The following ABL2 variants were observed in gnomAD, a reference collection of about 807,000 sequenced individuals.
ABL2 encodes ABL proto-oncogene 2, non-receptor tyrosine kinase, also known as tyrosine-protein kinase ABL2.
A neutral mutation model predicts 107.7 loss-of-function variants in ABL2; 49 were observed. That is an observed-to-expected ratio of 0.45 (90% CI 0.36 to 0.58). The LOEUF (loss-of-function observed/expected upper bound fraction) is 0.58. Ranked by LOEUF, ABL2 falls within the 20% of genes least tolerant of loss-of-function variation. The probability of loss-of-function intolerance (pLI) is 0.00; values close to 1 mark genes in which losing one functional copy is unlikely to be tolerated. For missense variants in ABL2, 1,245 were observed against 1,457.0 expected, an observed-to-expected ratio of 0.85 and a Z score of 2.37; for synonymous variants, 549 against 548.6, an observed-to-expected ratio of 1.00 and a Z score of -0.01.
chr1:179,174,885 G>A (rs2102782992), intron 1 of ABL2, among the ~76,000 whole-genome samples: 2 of 115,846 alleles, frequency 1.7e-5, no homozygotes, highest in South Asian at 2.8e-4. Context: ...ACAGAGCAGA[G>A]ACTCTGTCTC....
chr1:179,105,910 A>G lies in ABL2; in HGVS notation c.*1808T>C, dbSNP rs1653440792. ...CAATTCAGCATAACAACACTGCACT[A>G]AAAGAGCTTTCCAGAGAGGCTCTCC... is the stretch of plus-strand genomic sequence containing the variant. On this transcript the variant is annotated 3_prime_UTR_variant, in exon 12 of 12. Transcript: ENST00000502732. 1 of 223,332 alleles carries G rather than the reference A, an allele frequency of 4.5e-6. No homozygotes were observed. The highest frequency in any genetic ancestry group is 8.9e-6 in the Non-Finnish European group (1 of 111,930). The allele number at this position is 223,332 out of a possible 1,614,324, so 13.8% of individuals were successfully genotyped here.
At chr1:179,157,539 C>T (rs1211282421) in intron 1 of ABL2, among the ~76,000 whole-genome samples, 1 of 151,746 alleles carries the variant, frequency 6.6e-6, no homozygotes, top group Non-Finnish European at 1.5e-5. Flanking sequence ...TGCAAATATT[C>T]CAAAATCTGA....
rs3766620 is a variant in ABL2 at position 179,131,734 on chromosome 1, T to C, written c.221-253A>G. Among the ~76,000 whole-genome samples, 1,298 of 152,298 alleles carry C rather than the reference T, an allele frequency of 8.5e-3. 44 individuals are homozygous for C. Among genetic ancestry groups the C allele is most frequent in the Admixed American group, 0.057 (868 of 15,286 alleles). On this transcript the variant is annotated intron_variant, in intron 2 of 11. Transcript: ENST00000502732. ...AATGAGAGTTTAGCCGTGATTTATA[T>C]GCACTCACCAAAATCAGACATAAAC...
chr1:179,194,796 A>G (rs969205146), intron 1 of ABL2, among the ~76,000 whole-genome samples: 2 of 150,828 alleles, frequency 1.3e-5, no homozygotes, highest in Admixed American at 1.3e-4. Flanking sequence ...ATATGCTTAA[A>G]GAAAAAAAGA....
rs1412343835 is a variant in ABL2, at chr1:179,101,985, CATTAGA to C, written c.*5727_*5732del. On this transcript the variant is annotated 3_prime_UTR_variant, in exon 12 of 12. Coordinates refer to ENST00000502732, the MANE Select transcript of ABL2 (RefSeq NM_007314.4). ...AAAAAGAAAAAAAAAGCAAGCTTTG[CATTAGA>C]ATTTCTTTTTTTTTTTTTTTTTTTT... The C allele has an allele frequency of 1.6e-5, 2 of 128,166 alleles. No individual in the cohort carries two copies. Among genetic ancestry groups the C allele is most frequent in the Non-Finnish European group, 3.3e-5 (2 of 61,038 alleles). The allele number at this position is 128,166 out of a possible 1,614,324, so 7.9% of individuals were successfully genotyped here. A position where few individuals can be genotyped will look rare whatever the true frequency, so the allele number is the denominator to read the frequency against.
At chr1:179,184,434 A>C in intron 1 of ABL2, 1 of 1,004,424 alleles carries the variant, frequency 1.0e-6, no homozygotes, top group South Asian at 1.4e-5. Context: ...GGCACCAGAG[A>C]GCTTCTTTAT....
At chr1:179,162,005 G>T (rs1469795143) in intron 1 of ABL2, among the ~76,000 whole-genome samples, 1 of 152,076 alleles carries the variant, frequency 6.6e-6, no homozygotes, top group Non-Finnish European at 1.5e-5. Flanking sequence ...ACAGATGCCG[G>T]CCCGTTGATC....
rs766561955 is a variant in ABL2, at chr1:179,131,486, A to C, written c.221-5T>G. 1 of 1,612,558 alleles carries C rather than the reference A, an allele frequency of 6.2e-7. No individual in the cohort carries two copies. Among genetic ancestry groups the C allele is most frequent in the Non-Finnish European group, 8.5e-7 (1 of 1,178,640 alleles). ...CATAGGGACGATGCAAAGCTTCTGAAAGACATAAGAAGGGAAGGGAATTCA... is the reference window on the plus strand; with the variant it reads ...CATAGGGACGATGCAAAGCTTCTGACAGACATAAGAAGGGAAGGGAATTCA... On this transcript the variant is annotated splice_polypyrimidine_tract_variant and splice_region_variant and intron_variant, in intron 2 of 11. Transcript: ENST00000502732.
chr1:179,112,768 T>C (rs1654215790), intron 9 of ABL2, among the ~76,000 whole-genome samples: 1 of 151,814 alleles, frequency 6.6e-6, no homozygotes, highest in Non-Finnish European at 1.5e-5. Flanking sequence ...TTTTTTTTTT[T>C]TTTTGAGACG....
chr1:179,193,188 A>T (rs573437956), intron 1 of ABL2, among the ~76,000 whole-genome samples: 3 of 152,336 alleles, frequency 2.0e-5, no homozygotes, highest in Middle Eastern at 3.4e-3. Flanking sequence ...CAAGAAAAAA[A>T]ATATAATAAT....
chr1:179,139,910 CCCCA>C (rs1446921455), intron 1 of ABL2, among the ~76,000 whole-genome samples: 1 of 152,158 alleles, frequency 6.6e-6, no homozygotes, highest in African/African-American at 2.4e-5. Context: ...AACCACCGCT[CCCCA>C]CCCAGTCTGT....
intron 1 of ABL2, among the ~76,000 whole-genome samples, chr1:179,216,850 A>T (rs1288859422): frequency 6.6e-6 from 1 of 151,770 alleles, no homozygotes; most frequent in Non-Finnish European, 1.5e-5. Flanking sequence ...TGCCCGGCTA[A>T]TTTTTGTATT....
intron 1 of ABL2, among the ~76,000 whole-genome samples, chr1:179,219,239 C>T (rs1233468981): frequency 6.6e-6 from 1 of 152,118 alleles, no homozygotes; most frequent in Non-Finnish European, 1.5e-5. Flanking sequence ...GACAGGGTTT[C>T]GCCACGTTGC....
intron 1 of ABL2, among the ~76,000 whole-genome samples, chr1:179,193,190 TATA>T (rs1246179164): frequency 6.6e-6 from 1 of 151,646 alleles, no homozygotes; most frequent in Non-Finnish European, 1.5e-5. Flanking sequence ...AGAAAAAAAA[TATA>T]ATAATCTGTT....
chr1:179,109,574 A>G, intron 11 of ABL2, 133 bp from the exon 12 acceptor site: 1 of 1,338,880 alleles, frequency 7.5e-7, no homozygotes, highest in Non-Finnish European at 9.9e-7. Context: ...AGAAGCAAAT[A>G]ATAAATACAT....
intron 1 of ABL2, among the ~76,000 whole-genome samples, chr1:179,147,591 A>C (rs551286544): frequency 6.6e-6 from 1 of 152,368 alleles, no homozygotes; most frequent in African/African-American, 2.4e-5. Flanking sequence ...GGAGGTCGTT[A>C]TCCTAAGTGA....
At position 179,105,822 on chromosome 1, in the gene ABL2, T is replaced by C. The variant is rs530600034; in HGVS notation, c.*1896A>G. 55 of 224,896 alleles carry C rather than the reference T, an allele frequency of 2.4e-4. No individual in the cohort carries two copies. Among genetic ancestry groups the C allele is most frequent in the African/African-American group, 9.6e-4 (43 of 45,014 alleles). The allele number at this position is 224,896 out of a possible 1,614,324, so 13.9% of individuals were successfully genotyped here. A position where few individuals can be genotyped will look rare whatever the true frequency, so the allele number is the denominator to read the frequency against. On this transcript the variant is annotated 3_prime_UTR_variant, in exon 12 of 12. Transcript: ENST00000502732. The stretch of plus-strand genomic sequence containing the variant: ...CCCCTTAGTATTCTAGCCCAATTCA[T>C]ATAATCTCAACAATTCTTAATTTCA...
intron 1 of ABL2, among the ~76,000 whole-genome samples, chr1:179,172,806 G>T (rs1210587434): frequency 6.6e-6 from 1 of 152,102 alleles, no homozygotes; most frequent in Non-Finnish European, 1.5e-5. Flanking sequence ...AATTAACAGG[G>T]TTAGACAAAT....
chr1:179,185,228 T>C (rs903461143), intron 1 of ABL2, among the ~76,000 whole-genome samples: 9 of 152,126 alleles, frequency 5.9e-5, no homozygotes, highest in Admixed American at 2.6e-4. Context: ...TTTGAGATGT[T>C]TGGATGGGTT....
Sources: gnomAD v4.1 joint callset for allele counts (sites outside exome capture counted in the v4.1 genomes callset) on GRCh38, gnomAD v4.1.1 for gene constraint, MANE v1.5 for transcripts, NCBI Gene and HGNC (gene_info 2026-07-23, HGNC 2026-07-21) for gene names.